Variants in ZNF875 observed in about 807,000 individuals in gnomAD.
ZNF875 encodes the protein HKR1, GLI-Kruppel zinc finger family member.
In ZNF875, 14 loss-of-function variants were observed where a neutral mutation model predicts 11.2. That is an observed-to-expected ratio of 1.26 (90% CI 0.83 to 1.96). The LOEUF is 1.96. Among genes scored for constraint, ZNF875 ranks in the 30% most tolerant of loss-of-function variants. The pLI, the probability that ZNF875 is intolerant of heterozygous loss-of-function variation, is 0.00. For missense variants in ZNF875, 752 were observed against 760.4 expected, an observed-to-expected ratio of 0.99 and a Z score of 0.13; for synonymous variants, 301 against 281.1, an observed-to-expected ratio of 1.07 and a Z score of -0.71.
intron 2 of ZNF875, chr19:37,344,613 G>A (rs1441341186): frequency 3.2e-6 from 4 of 1,259,276 alleles, no homozygotes; most frequent in Admixed American, 3.4e-5. Context: ...TTTTCAGCTG[G>A]CAAGCAGATG....
In ZNF875 at chr19:37,334,686, G is replaced by A; in HGVS notation, c.-153G>A. ...TGGCCCAGGCGCGTTAAGCTGGTTG[G>A]GACCCGGGAAGGCCTCCCTCTTAAG... On this transcript the variant is annotated 5_prime_UTR_variant, in exon 1 of 5. Coordinates refer to ENST00000392153, the MANE Select transcript of ZNF875 (RefSeq NM_001353803.2). The A allele has an allele frequency of 2.2e-6, 1 of 456,062 alleles. No homozygotes were observed. The highest frequency in any genetic ancestry group is 4.4e-6 in the Non-Finnish European group (1 of 226,816). 28.3% of individuals were successfully genotyped at this position (456,062 alleles called of 1,614,324 possible). A position where few individuals can be genotyped will look rare whatever the true frequency, so the allele number is the denominator to read the frequency against.
intron 4 of ZNF875, among the ~76,000 whole-genome samples, chr19:37,361,477 C>T (rs1047637862): frequency 2.0e-5 from 3 of 152,092 alleles, no homozygotes; most frequent in Non-Finnish European, 4.4e-5. Context: ...CCTTCTTCTT[C>T]CTTCCTTTCT....
At position 37,362,658 on chromosome 19, in the gene ZNF875, T is replaced by C; in HGVS notation, c.806T>C (p.Leu269Pro). The C allele has an allele frequency of 6.2e-7, 1 of 1,612,940 alleles. No homozygotes were observed. Among genetic ancestry groups the C allele is most frequent in the Non-Finnish European group, 8.5e-7 (1 of 1,179,454 alleles). The change falls in exon 5 of 5, where the codon CTC (leucine) becomes CCC (proline). Residue 269 changes from leucine to proline, a missense_variant. Leu to Pro is a moderately conservative substitution (Grantham distance 98, BLOSUM62 -3). Transcript: ENST00000392153. ...GACAGCTTTGGCAGTATGTCAGTCC[T>C]CATCAAAAACCCAAGGACACACTCT... ...WGDSFGSMSV[L>P]IKNPRTHSGG...
At position 37,363,198 on chromosome 19, in the gene ZNF875, C is replaced by G. The variant is rs1319019879; in HGVS notation, c.1346C>G (p.Pro449Arg). The G allele has an allele frequency of 6.2e-7, 1 of 1,613,966 alleles. No homozygotes were observed. The highest frequency in any genetic ancestry group is 1.7e-5 in the Admixed American group (1 of 60,010). Reference protein sequence around the residue: ...THQRTHSGVKPYVCLECGQCF... With the variant: ...THQRTHSGVKRYVCLECGQCF... Reference sequence around the variant, plus strand: ...CAGAGGACACACTCAGGGGTTAAACCTTATGTCTGCCTGGAGTGCGGGCAG... The same window carrying G: ...CAGAGGACACACTCAGGGGTTAAACGTTATGTCTGCCTGGAGTGCGGGCAG... Residue 449 changes from proline to arginine, a missense_variant, in exon 5 of 5, where the codon CCT becomes CGT. Transcript: ENST00000392153.
chr19:37,331,498 G>A (rs2033387287), upstream of ZNF875, among the ~76,000 whole-genome samples: 1 of 150,894 alleles, frequency 6.6e-6, no homozygotes. Flanking sequence ...TCTGCCTTGA[G>A]ATTCTGTTAA....
intron 2 of ZNF875, among the ~76,000 whole-genome samples, chr19:37,336,762 G>T (rs2034525736): frequency 6.6e-6 from 1 of 151,594 alleles, no homozygotes; most frequent in Non-Finnish European, 1.5e-5. Context: ...CAAGAAATTA[G>T]CTGGGCATGG....
chr19:37,355,884 A>T (rs2038820678), intron 4 of ZNF875, among the ~76,000 whole-genome samples: 1 of 152,156 alleles, frequency 6.6e-6, no homozygotes, highest in Non-Finnish European at 1.5e-5. Flanking sequence ...TATCACCCAA[A>T]TAGTTTACAT....
intron 1 of ZNF875, among the ~76,000 whole-genome samples, chr19:37,319,276 G>C (rs1343279286): frequency 2.0e-5 from 3 of 148,170 alleles, no homozygotes; most frequent in African/African-American, 7.6e-5. Flanking sequence ...GAACTCCCGA[G>C]CTTGGGTGAT....
At chr19:37,337,864 T>C (rs570835378) in intron 2 of ZNF875, 5 of 152,298 alleles carry the variant, frequency 3.3e-5, no homozygotes, top group Admixed American at 2.6e-4. Context: ...ATTTTTGATA[T>C]GGGTTAACTT....
chr19:37,332,850 AAG>A (rs1448368043), upstream of ZNF875, among the ~76,000 whole-genome samples: 1 of 152,192 alleles, frequency 6.6e-6, no homozygotes, highest in Non-Finnish European at 1.5e-5. Flanking sequence ...CAAGCCAGTT[AAG>A]AGTGTGGAAA....
At position 37,362,761 on chromosome 19, in the gene ZNF875, ACACT is replaced by A. The variant is rs749773137; in HGVS notation, c.912_915del (p.His304GlnfsTer45). 7.4e-6 allele frequency: 12 copies of A among 1,613,806 alleles called. No homozygotes were observed. Among genetic ancestry groups the A allele is most frequent in the East Asian group, 4.5e-5 (2 of 44,888 alleles). On this transcript the variant is annotated frameshift_variant, in exon 5 of 5. Coordinates refer to ENST00000392153, the MANE Select transcript of ZNF875 (RefSeq NM_001353803.2). LOFTEE classifies it low-confidence loss of function (END_TRUNC). ...CAAACCTGATCACACATCAGAGGAC[ACACT>A]CAGGGGAGAAACCTTATGTGTGCAA...
At chr19:37,350,487 A>G (rs1319791591) in intron 4 of ZNF875, among the ~76,000 whole-genome samples, 1 of 152,098 alleles carries the variant, frequency 6.6e-6, no homozygotes, top group Non-Finnish European at 1.5e-5. Flanking sequence ...GCTTTCCCCA[A>G]TGATAATATC....
At position 37,325,400 on chromosome 19, in the gene ZNF875, A is replaced by G. The variant is rs575230160; in HGVS notation, c.-603+1135A>G. On this transcript the variant is annotated intron_variant, in intron 4 of 5. Transcript: ENST00000544914. ...CCAATAGAAATACAATGCCAGACAC[A>G]TACGTCATTTTAGATTTTCTAGTAG... is the stretch of plus-strand genomic sequence containing the variant. 3.3e-5 allele frequency among the ~76,000 whole-genome samples: 5 copies of G among 152,362 alleles called. No individual in the cohort carries two copies. The South Asian group carries it at 1.0e-3, about 32-fold the overall frequency.
intron 4 of ZNF875, among the ~76,000 whole-genome samples, chr19:37,325,357 T>A (rs939934111): frequency 6.6e-6 from 1 of 152,146 alleles, no homozygotes; most frequent in Admixed American, 6.5e-5. Flanking sequence ...AGACCATTTC[T>A]CTCCAGAGCA....
intron 2 of ZNF875, among the ~76,000 whole-genome samples, chr19:37,340,464 G>T (rs571648152): frequency 6.6e-6 from 1 of 151,906 alleles, no homozygotes; most frequent in Non-Finnish European, 1.5e-5. Context: ...TGTAATCCTC[G>T]TTTTCCCCAA....
chr19:37,348,262 C>T (rs10405407), intron 4 of ZNF875, among the ~76,000 whole-genome samples: 41,826 of 152,048 alleles, frequency 0.28, 7,237 homozygotes, highest in African/African-American at 0.48. Flanking sequence ...ATTCCCATAA[C>T]TTATTACACA....
chr19:37,353,166 G>A (rs2038244835), intron 4 of ZNF875, among the ~76,000 whole-genome samples: 1 of 152,122 alleles, frequency 6.6e-6, no homozygotes, highest in East Asian at 1.9e-4. Flanking sequence ...GAGCCACCGC[G>A]CCCGGCTCCT....
intron 4 of ZNF875, among the ~76,000 whole-genome samples, chr19:37,357,204 G>A (rs147445055): frequency 1.1e-3 from 160 of 152,122 alleles, no homozygotes; most frequent in African/African-American, 3.5e-3. Context: ...TACTTACACC[G>A]TGCTGTTTCA....
At chr19:37,317,474 C>T (rs1358476229), upstream of ZNF875, among the ~76,000 whole-genome samples, 1 of 152,200 alleles carries the variant, frequency 6.6e-6, no homozygotes, top group Admixed American at 6.5e-5. Context: ...GCGCCTGGCA[C>T]TAGCCTGTTT....
Sources: allele counts gnomAD v4.1 joint callset (sites outside exome capture counted in the v4.1 genomes callset), GRCh38; gene constraint gnomAD v4.1.1; transcripts MANE v1.5; gene names NCBI Gene and HGNC (gene_info 2026-07-23, HGNC 2026-07-21).